PRKN: variants seen among roughly 807,000 people sequenced by gnomAD.
PRKN encodes the protein parkin RBR E3 ubiquitin protein ligase, also known as E3 ubiquitin-protein ligase parkin.
In PRKN, 56 loss-of-function variants were observed where a neutral mutation model predicts 59.5. That is an observed-to-expected ratio of 0.94 (90% CI 0.76 to 1.18). The LOEUF is 1.18. Among genes scored for constraint, PRKN ranks in the 50% most tolerant of loss-of-function variants. The pLI is 0.00. For missense variants in PRKN, 657 were observed against 596.4 expected, an observed-to-expected ratio of 1.10 and a Z score of -1.06; for synonymous variants, 250 against 222.1, an observed-to-expected ratio of 1.13 and a Z score of -1.12.
At chr6:162,428,576 T>A in intron 2 of PRKN, among the ~76,000 whole-genome samples, 1 of 152,170 alleles carries the variant, frequency 6.6e-6, no homozygotes, top group East Asian at 1.9e-4. Context: ...GGCATCAACA[T>A]CTAACATGAG....
intron 4 of PRKN, among the ~76,000 whole-genome samples, chr6:162,060,437 G>A (rs1312034417): frequency 5.9e-5 from 9 of 152,150 alleles, no homozygotes; most frequent in South Asian, 2.1e-4. Flanking sequence ...ACCTAAACAC[G>A]TCTATATGAT....
intron 4 of PRKN, among the ~76,000 whole-genome samples, chr6:162,163,378 T>C (rs1290363090): frequency 3.3e-5 from 5 of 149,648 alleles, no homozygotes; most frequent in African/African-American, 1.3e-4. Flanking sequence ...GCCTGTAGTA[T>C]TAATAGAAGC....
intron 7 of PRKN, among the ~76,000 whole-genome samples, chr6:161,703,975 C>A (rs1786376597): frequency 6.6e-6 from 1 of 150,616 alleles, no homozygotes; most frequent in African/African-American, 2.4e-5. Flanking sequence ...GCTGCCTCAG[C>A]CTCCCACGAA....
At chr6:161,921,480 TTCATA>T (rs1778784417) in intron 6 of PRKN, among the ~76,000 whole-genome samples, 1 of 152,246 alleles carries the variant, frequency 6.6e-6, no homozygotes, top group African/African-American at 2.4e-5. Context: ...TGTACTGTAC[TTCATA>T]TGTGCTATAC....
intron 1 of PRKN, among the ~76,000 whole-genome samples, chr6:162,607,113 A>T (rs189658801): frequency 6.6e-6 from 1 of 152,272 alleles, no homozygotes; most frequent in Admixed American, 6.5e-5. Flanking sequence ...GTGGGGTTTG[A>T]GGTGCCTTTT....
chr6:162,629,371 G>C (rs910531008), intron 1 of PRKN, among the ~76,000 whole-genome samples: 9 of 152,004 alleles, frequency 5.9e-5, no homozygotes, highest in Admixed American at 3.9e-4. Flanking sequence ...CACTACACAG[G>C]TTTTACAGCT....
At position 161,552,207 on chromosome 6, in the gene PRKN, G is replaced by T. The variant is rs918937269; in HGVS notation, c.934-3204C>A. Among the ~76,000 whole-genome samples the T allele has an allele frequency of 1.3e-5, 2 of 152,220 alleles. No homozygotes were observed. The highest frequency in any genetic ancestry group is 2.9e-5 in the Non-Finnish European group (2 of 68,042). ...TAGAAAGAATGGTGGATTTAAGTTT[G>T]GTTGCAGTTTTGCCGGAATTGTAAA... On this transcript the variant is annotated intron_variant, in intron 8 of 11. Transcript: ENST00000366898. This position sits in a 1 kb window ranked among gnomAD's most constrained non-coding sequence, Gnocchi z 4.9.
chr6:161,428,756 C>T lies in PRKN; in HGVS notation c.1084-41879G>A, dbSNP rs902565701. Among the ~76,000 whole-genome samples, 1 of 152,128 alleles carries T rather than the reference C, an allele frequency of 6.6e-6. No individual in the cohort carries two copies. Among genetic ancestry groups the T allele is most frequent in the Non-Finnish European group, 1.5e-5 (1 of 68,036 alleles). ...CATTTTTCTGCCTGAGTACCTCTAC[C>T]TTGGAAAACCTCCATCTTGTCATAT... On this transcript the variant is annotated intron_variant, in intron 9 of 11. Coordinates refer to ENST00000366898, the MANE Select transcript of PRKN (RefSeq NM_004562.3). This position sits in a 1 kb window ranked among gnomAD's most constrained non-coding sequence, Gnocchi z 4.0.
intron 7 of PRKN, among the ~76,000 whole-genome samples, chr6:161,785,153 T>C (rs529445940): frequency 6.6e-6 from 1 of 152,280 alleles, no homozygotes; most frequent in African/African-American, 2.4e-5. Context: ...TCAGAAAGTT[T>C]TGAAGCCAGG....
At chr6:161,850,365 G>A (rs940758034) in intron 6 of PRKN, among the ~76,000 whole-genome samples, 1 of 151,968 alleles carries the variant, frequency 6.6e-6, no homozygotes, top group Non-Finnish European at 1.5e-5. Context: ...GGATCACGAG[G>A]TCAAGAGATA....
intron 5 of PRKN, among the ~76,000 whole-genome samples, chr6:162,008,213 A>C (rs1782336378): frequency 6.6e-6 from 1 of 152,166 alleles, no homozygotes; most frequent in Non-Finnish European, 1.5e-5. Context: ...ATGCACATAT[A>C]TGTGTATGAA....
intron 6 of PRKN, among the ~76,000 whole-genome samples, chr6:161,817,728 G>A (rs1275935065): frequency 6.6e-6 from 1 of 152,060 alleles, no homozygotes; most frequent in African/African-American, 2.4e-5. Flanking sequence ...TATAGACTAA[G>A]TTACAATAAA....
intron 2 of PRKN, among the ~76,000 whole-genome samples, chr6:162,303,244 C>A (rs1171822940): frequency 1.3e-5 from 2 of 152,088 alleles, no homozygotes; most frequent in Non-Finnish European, 2.9e-5. Flanking sequence ...TATTTTATCC[C>A]TTATCATGTT....
chr6:161,913,628 A>G (rs1778448545), intron 6 of PRKN, among the ~76,000 whole-genome samples: 1 of 152,212 alleles, frequency 6.6e-6, no homozygotes, highest in South Asian at 2.1e-4. Flanking sequence ...AAAACCTACT[A>G]TGTCTATTTA....
intron 3 of PRKN, among the ~76,000 whole-genome samples, chr6:162,256,139 G>C (rs181053826): frequency 4.5e-4 from 68 of 152,244 alleles, no homozygotes; most frequent in Non-Finnish European, 8.2e-4. Flanking sequence ...AATAGATGAA[G>C]AAGGTGTAGG....
At chr6:162,086,898 T>A (rs890148617) in intron 4 of PRKN, among the ~76,000 whole-genome samples, 2 of 152,214 alleles carry the variant, frequency 1.3e-5, no homozygotes, top group African/African-American at 4.8e-5. Flanking sequence ...TTCGTATTTG[T>A]GGAATGAAAT....
chr6:161,944,301 G>A (rs1779701826), intron 6 of PRKN, among the ~76,000 whole-genome samples: 1 of 152,206 alleles, frequency 6.6e-6, no homozygotes, highest in Admixed American at 6.5e-5. Context: ...GTGATAGCTT[G>A]ACAAAGGTTT....
chr6:161,708,573 C>A (rs1046054900), intron 7 of PRKN, among the ~76,000 whole-genome samples: 1 of 151,894 alleles, frequency 6.6e-6, no homozygotes, highest in Non-Finnish European at 1.5e-5. Context: ...TTCACTTAAC[C>A]GTTCTTTCAA....
At chr6:161,755,666 T>G (rs1788886564) in intron 7 of PRKN, among the ~76,000 whole-genome samples, 1 of 152,066 alleles carries the variant, frequency 6.6e-6, no homozygotes, top group African/African-American at 2.4e-5. Context: ...GCAAAATGGA[T>G]AGTAGACAAA....
Sources: gnomAD v4.1 joint callset for allele counts (sites outside exome capture counted in the v4.1 genomes callset) on GRCh38, gnomAD v4.1.1 for gene constraint, Gnocchi (gnomAD v3.1) non-coding constraint, MANE v1.5 for transcripts, NCBI Gene and HGNC (gene_info 2026-07-23, HGNC 2026-07-21) for gene names.